PTPRN2: variants seen among roughly 807,000 people sequenced by gnomAD.
The protein encoded by PTPRN2 is receptor-type tyrosine-protein phosphatase N2.
A neutral mutation model predicts 118.8 loss-of-function variants in PTPRN2; 74 were observed. The observed-to-expected ratio is 0.62, with a 90% CI of 0.52 to 0.76. The LOEUF is 0.76. Among genes scored for constraint, PTPRN2 ranks in the 30% least tolerant of loss-of-function variants. The pLI is 0.00. For synonymous variants in PTPRN2, 641 were observed against 608.0 expected (o/e 1.05, Z -0.80); for missense variants, 1,481 against 1,394.4 (o/e 1.06, Z -0.99).
intron 11 of PTPRN2, among the ~76,000 whole-genome samples, chr7:157,985,101 G>A (rs552010952): frequency 1.3e-5 from 2 of 152,260 alleles, no homozygotes; most frequent in South Asian, 4.1e-4. Flanking sequence ...CACAATTCTG[G>A]GAGCGTCGAC....
intron 2 of PTPRN2, among the ~76,000 whole-genome samples, chr7:158,473,173 T>C (rs546912730): frequency 6.6e-6 from 1 of 152,298 alleles, no homozygotes; most frequent in African/African-American, 2.4e-5. Flanking sequence ...CCTCAGCAGC[T>C]TCACGGTCCC....
chr7:157,996,187 T>C (rs1241064890), intron 11 of PTPRN2, among the ~76,000 whole-genome samples: 1 of 152,186 alleles, frequency 6.6e-6, no homozygotes, highest in African/African-American at 2.4e-5. Context: ...AATCAGAAAG[T>C]CAAATACTGC....
intron 1 of PTPRN2, among the ~76,000 whole-genome samples, chr7:158,572,584 C>T (rs573414292): frequency 6.6e-6 from 1 of 152,298 alleles, no homozygotes; most frequent in South Asian, 2.1e-4. Flanking sequence ...TGATCAGGAC[C>T]GGCTGACACC....
In PTPRN2 at chr7:157,596,450, A is replaced by G. The variant is rs1170822169; in HGVS notation, c.2419-1135T>C. Among the ~76,000 whole-genome samples the G allele has an allele frequency of 6.6e-6, 1 of 152,246 alleles. No homozygotes were observed. Among genetic ancestry groups the G allele is most frequent in the Non-Finnish European group, 1.5e-5 (1 of 68,050 alleles). On this transcript the variant is annotated intron_variant, in intron 16 of 22. Coordinates refer to ENST00000389418, the MANE Select transcript of PTPRN2 (RefSeq NM_002847.5). The surrounding 1 kb of genome is among the most constrained non-coding windows in gnomAD (Gnocchi z 4.2). Reference sequence around the variant, plus strand: ...CTCCAATGGGAGAAGGTTGGCTTAGAAGACCATAATTATTACATTTATTTC... The same window carrying G: ...CTCCAATGGGAGAAGGTTGGCTTAGGAGACCATAATTATTACATTTATTTC...
chr7:157,907,122 G>A (rs967640394), intron 11 of PTPRN2, among the ~76,000 whole-genome samples: 3 of 152,224 alleles, frequency 2.0e-5, no homozygotes, highest in Non-Finnish European at 4.4e-5. Flanking sequence ...GGGGCGGGAA[G>A]ATGAAGCATA....
chr7:157,556,436 G>A (rs952523458), intron 21 of PTPRN2, among the ~76,000 whole-genome samples: 12 of 129,696 alleles, frequency 9.3e-5, no homozygotes, highest in Non-Finnish European at 1.8e-4. Flanking sequence ...CACACACACA[G>A]GCATGCACAC....
intron 3 of PTPRN2, among the ~76,000 whole-genome samples, chr7:158,264,211 G>C (rs771282342): frequency 4.6e-5 from 7 of 152,182 alleles, no homozygotes; most frequent in Non-Finnish European, 8.8e-5. Flanking sequence ...AGTTGGTAAC[G>C]ACCGCCTGAA....
At position 157,874,894 on chromosome 7, in the gene PTPRN2, C is replaced by T. The variant is rs1239404612; in HGVS notation, c.1788+23779G>A. Reference sequence around the variant, plus strand: ...GCACATACACACACGGAGACACACTCGTGCACATACACACACACTCATGCA... The same window carrying T: ...GCACATACACACACGGAGACACACTTGTGCACATACACACACACTCATGCA... On this transcript the variant is annotated intron_variant, in intron 12 of 22. Transcript: ENST00000389418. This position sits in a 1 kb window ranked among gnomAD's most constrained non-coding sequence, Gnocchi z 5.8. 2.0e-5 allele frequency among the ~76,000 whole-genome samples: 3 copies of T among 151,944 alleles called. No homozygotes were observed. Among genetic ancestry groups the T allele is most frequent in the African/African-American group, 4.8e-5 (2 of 41,290 alleles).
intron 2 of PTPRN2, among the ~76,000 whole-genome samples, chr7:158,466,515 T>C: frequency 6.6e-6 from 1 of 152,230 alleles, no homozygotes; most frequent in Non-Finnish European, 1.5e-5. Context: ...GGATCTCCTT[T>C]TTTAAGGCTG....
At chr7:157,542,251 A>G (rs141918507) in intron 22 of PTPRN2, among the ~76,000 whole-genome samples, 6 of 152,332 alleles carry the variant, frequency 3.9e-5, no homozygotes, top group Non-Finnish European at 8.8e-5. Flanking sequence ...ATCCAGGCTA[A>G]ATACACAACA....
At chr7:157,660,683 G>T (rs914967448) in intron 13 of PTPRN2, among the ~76,000 whole-genome samples, 3 of 152,184 alleles carry the variant, frequency 2.0e-5, no homozygotes, top group African/African-American at 7.2e-5. Context: ...AGTTAGGGCC[G>T]TTCTCTAAGC....
intron 6 of PTPRN2, among the ~76,000 whole-genome samples, chr7:158,139,979 A>AG (rs371848448): frequency 0.02 from 3,062 of 152,232 alleles, 91 homozygotes; most frequent in African/African-American, 0.061. Flanking sequence ...GTGGGCCTGC[A>AG]CACAGGCTGA....
At chr7:158,344,649 CCCA>C (rs1807359528) in intron 2 of PTPRN2, among the ~76,000 whole-genome samples, 1 of 152,100 alleles carries the variant, frequency 6.6e-6, no homozygotes, top group Non-Finnish European at 1.5e-5. Context: ...CCACACGTAA[CCCA>C]CCAAGAAAGA....
chr7:158,303,306 G>C (rs778518166), intron 3 of PTPRN2, among the ~76,000 whole-genome samples: 10 of 152,108 alleles, frequency 6.6e-5, no homozygotes, highest in Non-Finnish European at 1.5e-4. Context: ...TTCCACACCA[G>C]CCGAAGGACC....
At position 158,351,728 on chromosome 7, in the gene PTPRN2, G is replaced by A. The variant is rs544941301; in HGVS notation, c.164-34796C>T. 3.3e-5 allele frequency among the ~76,000 whole-genome samples: 5 copies of A among 152,224 alleles called. No homozygotes were observed. In the South Asian group the frequency reaches 1.0e-3, roughly 32 times the overall value. On this transcript the variant is annotated intron_variant, in intron 2 of 22. Transcript: ENST00000389418. ...TCCACAGCCAGTCACGGCCCCACGG[G>A]AGGAGCCTTCTGAGTGACAGATATC...
In PTPRN2 at chr7:158,331,452, G is replaced by C. The variant is rs1804424823; in HGVS notation, c.164-14520C>G. ...ACTCACACCCATACTCTCACCATAA[G>C]AGCTGACACCCGCAGACGTCACTCA... On this transcript the variant is annotated intron_variant, in intron 2 of 22. Transcript: ENST00000389418. Among the ~76,000 whole-genome samples the C allele has an allele frequency of 2.7e-5, 4 of 147,718 alleles. No individual in the cohort carries two copies. The South Asian group carries it at 8.7e-4, about 32-fold the overall frequency.
In PTPRN2 at chr7:157,987,171, A is replaced by G. The variant is rs1803866634; in HGVS notation, c.1724-88434T>C. ...CGCCCACGCTTGGTCGGCAACACAG[A>G]GATTCCATTTCTTCCTGGGATTAGG... On this transcript the variant is annotated intron_variant, in intron 11 of 22. Transcript: ENST00000389418. The surrounding 1 kb of genome is among the most constrained non-coding windows in gnomAD (Gnocchi z 4.3). Among the ~76,000 whole-genome samples, 1 of 152,106 alleles carries G rather than the reference A, an allele frequency of 6.6e-6. No homozygotes were observed. The highest frequency in any genetic ancestry group is 1.5e-5 in the Non-Finnish European group (1 of 68,026).
chr7:157,593,889 G>A (rs1414444381), intron 17 of PTPRN2, among the ~76,000 whole-genome samples: 7 of 152,202 alleles, frequency 4.6e-5, no homozygotes, highest in African/African-American at 7.2e-5. Flanking sequence ...GTGCCATGCC[G>A]GGATTACAAG....
chr7:158,219,521 G>T (rs936357677), intron 3 of PTPRN2, among the ~76,000 whole-genome samples: 1 of 151,266 alleles, frequency 6.6e-6, no homozygotes, highest in Admixed American at 6.6e-5. Context: ...GAAAAAAAAA[G>T]AACAAACCAA....
Sources: allele counts gnomAD v4.1 joint callset (sites outside exome capture counted in the v4.1 genomes callset), GRCh38; gene constraint gnomAD v4.1.1; non-coding constraint Gnocchi (gnomAD v3.1); transcripts MANE v1.5; gene names NCBI Gene and HGNC (gene_info 2026-07-23, HGNC 2026-07-21).